Variants in METTL25 observed in about 807,000 individuals in gnomAD.
METTL25 encodes the protein probable methyltransferase-like protein 25.
METTL25 carries 64 observed loss-of-function variants against 71.6 expected under a neutral mutation model. That is an observed-to-expected ratio of 0.89 (90% CI 0.73 to 1.10). METTL25 has a LOEUF of 1.10. Ranked by LOEUF, METTL25 falls within the 50% of genes least tolerant of loss-of-function variation. The pLI, the probability that METTL25 is intolerant of heterozygous loss-of-function variation, is 0.00. For missense variants in METTL25, 807 were observed against 707.0 expected (o/e 1.14, Z -1.60); for synonymous variants, 287 against 250.3 (o/e 1.15, Z -1.38).
At chr12:82,457,137 T>C (rs1253126826) in intron 9 of METTL25, among the ~76,000 whole-genome samples, 1 of 151,900 alleles carries the variant, frequency 6.6e-6, no homozygotes, top group African/African-American at 2.4e-5. Flanking sequence ...GAGAGAATGG[T>C]TTTAATTTTG....
At chr12:82,417,577 G>T (rs1193282252) in intron 5 of METTL25, among the ~76,000 whole-genome samples, 3 of 152,002 alleles carry the variant, frequency 2.0e-5, no homozygotes, top group Non-Finnish European at 4.4e-5. Flanking sequence ...GATTCCAACT[G>T]AATTTAATAA....
At chr12:82,420,701 T>C (rs150301023) in intron 5 of METTL25, among the ~76,000 whole-genome samples, 36 of 152,032 alleles carry the variant, frequency 2.4e-4, no homozygotes, top group African/African-American at 6.8e-4. Context: ...GCAAATGAAG[T>C]GTGAAATGAA....
intron 5 of METTL25, among the ~76,000 whole-genome samples, chr12:82,428,095 TTAAG>T (rs1205237439): frequency 9.2e-5 from 14 of 151,950 alleles, no homozygotes; most frequent in African/African-American, 2.7e-4. Flanking sequence ...AGAAAAGAAA[TTAAG>T]TAAGCAGGTA....
chr12:82,464,730 C>T (rs1892116505), intron 9 of METTL25, among the ~76,000 whole-genome samples: 1 of 151,814 alleles, frequency 6.6e-6, no homozygotes, highest in Non-Finnish European at 1.5e-5. Context: ...ATTATTAATG[C>T]TTTGGATCCA....
intron 5 of METTL25, among the ~76,000 whole-genome samples, chr12:82,427,949 C>G (rs1178225494): frequency 1.3e-5 from 2 of 151,896 alleles, no homozygotes; most frequent in African/African-American, 4.8e-5. Flanking sequence ...CAGAGGTCAA[C>G]AAGTAGAACT....
chr12:82,370,061 C>G (rs1248530701), intron 1 of METTL25, among the ~76,000 whole-genome samples: 1 of 152,142 alleles, frequency 6.6e-6, no homozygotes, highest in African/African-American at 2.4e-5. Flanking sequence ...CCCCTCTAAA[C>G]AGGACACCCC....
At chr12:82,430,728 C>T (rs574504459) in intron 5 of METTL25, among the ~76,000 whole-genome samples, 165 bp from the exon 6 acceptor site, 1 of 151,752 alleles carries the variant, frequency 6.6e-6, no homozygotes, top group South Asian at 2.1e-4. Context: ...CATTTGTATG[C>T]TTTCAATTAA....
At chr12:82,361,533 T>C (rs1407345418) in intron 1 of METTL25, among the ~76,000 whole-genome samples, 1 of 152,088 alleles carries the variant, frequency 6.6e-6, no homozygotes, top group Non-Finnish European at 1.5e-5. Flanking sequence ...GACTCAGGCA[T>C]GGCGGGCTGC....
chr12:82,432,847 C>A, intron 6 of METTL25, among the ~76,000 whole-genome samples: 1 of 125,948 alleles, frequency 7.9e-6, no homozygotes, highest in African/African-American at 3.0e-5. Context: ...ATATTCAAAT[C>A]TTAAGTGGTC....
chr12:82,371,204 G>A (rs918933271), intron 1 of METTL25, among the ~76,000 whole-genome samples: 1 of 152,222 alleles, frequency 6.6e-6, no homozygotes, highest in Non-Finnish European at 1.5e-5. Flanking sequence ...CAGTGTCCAG[G>A]AGGAAGTCAA....
intron 1 of METTL25, among the ~76,000 whole-genome samples, chr12:82,366,978 T>G (rs1882645223): frequency 6.6e-6 from 1 of 152,212 alleles, no homozygotes; most frequent in Admixed American, 6.5e-5. Flanking sequence ...AACAAATCTT[T>G]GAGAACCAAG....
At chr12:82,420,189 G>T (rs946465262) in intron 5 of METTL25, among the ~76,000 whole-genome samples, 5 of 152,142 alleles carry the variant, frequency 3.3e-5, no homozygotes, top group Non-Finnish European at 7.4e-5. Flanking sequence ...GGCTGGGTGG[G>T]AGAGAAATAG....
Position 82,399,087 on chromosome 12 carries a change from C to T in METTL25, c.824C>T (p.Ser275Leu), listed in dbSNP as rs771832392. Residue 275 changes from serine to leucine, a missense_variant, in exon 4 of 12, where the codon TCA (serine) becomes TTA (leucine). Transcript: ENST00000248306. ...ACAAATCAAGAAAAGATGCCTACCT[C>T]AGCTATTTTGCCTGATTTTTCTGGC... ...SPTNQEKMPTSAILPDFSGSV... is the reference protein window; with the variant it reads ...SPTNQEKMPTLAILPDFSGSV... 2.5e-6 allele frequency: 4 copies of T among 1,613,302 alleles called. No homozygotes were observed. The highest frequency in any genetic ancestry group is 1.7e-5 in the Admixed American group (1 of 60,008).
chr12:82,446,067 C>T (rs1890716011), intron 8 of METTL25, among the ~76,000 whole-genome samples: 1 of 151,720 alleles, frequency 6.6e-6, no homozygotes, highest in African/African-American at 2.4e-5. Context: ...GACTTCAAGC[C>T]AAAAGAGACA....
At chr12:82,366,689 T>C (rs1018647902) in intron 1 of METTL25, among the ~76,000 whole-genome samples, 12 of 152,228 alleles carry the variant, frequency 7.9e-5, no homozygotes, top group Admixed American at 2.6e-4. Flanking sequence ...ATATTTAATT[T>C]GAAACACATG....
intron 5 of METTL25, among the ~76,000 whole-genome samples, chr12:82,421,762 T>A (rs187550086): frequency 6.6e-6 from 1 of 152,134 alleles, no homozygotes; most frequent in Admixed American, 6.5e-5. Context: ...GAGAATACTA[T>A]AAACACCTCT....
intron 1 of METTL25, chr12:82,359,038 GTCCACAATT>G (rs996745374): frequency 4.5e-5 from 27 of 605,608 alleles, no homozygotes; most frequent in Non-Finnish European, 7.9e-5. Context: ...GCTTGTGTAT[GTCCACAATT>G]TAAAGAAAGC....
At position 82,379,811 on chromosome 12, in the gene METTL25, C is replaced by T. The variant is rs550020428; in HGVS notation, c.260-6992C>T. On this transcript the variant is annotated intron_variant, in intron 1 of 11. Coordinates refer to ENST00000248306, the MANE Select transcript of METTL25 (RefSeq NM_032230.3). ...GTATCCAGTGTTAACTATTGGACCTCCATGTTGGTTCTCAAGGTGCAGTTC... is the reference window on the plus strand; with the variant it reads ...GTATCCAGTGTTAACTATTGGACCTTCATGTTGGTTCTCAAGGTGCAGTTC... Among the ~76,000 whole-genome samples, 4 of 152,276 alleles carry T rather than the reference C, an allele frequency of 2.6e-5. No individual in the cohort carries two copies. In the South Asian group the frequency reaches 8.3e-4, roughly 32 times the overall value.
At chr12:82,440,466 C>T (rs560299224) in intron 8 of METTL25, among the ~76,000 whole-genome samples, 2 of 152,152 alleles carry the variant, frequency 1.3e-5, no homozygotes, top group African/African-American at 4.8e-5. Context: ...CTGGAAATGA[C>T]ATGACCGTTA....
Sources: allele counts gnomAD v4.1 joint callset (sites outside exome capture counted in the v4.1 genomes callset), GRCh38; gene constraint gnomAD v4.1.1; transcripts MANE v1.5; gene names NCBI Gene and HGNC (gene_info 2026-07-23, HGNC 2026-07-21).